PDE8B: variants seen among roughly 807,000 people sequenced by gnomAD.
PDE8B encodes the protein phosphodiesterase 8B.
In PDE8B, 26 loss-of-function variants were observed where a neutral mutation model predicts 101.3. The observed-to-expected ratio is 0.26, with a 90% CI of 0.19 to 0.36. The LOEUF is 0.36. PDE8B is among the 10% of genes least tolerant of loss of function. The pLI is 1.00. For missense variants in PDE8B, 810 were observed against 1,163.1 expected, an observed-to-expected ratio of 0.70 and a Z score of 4.42; for synonymous variants, 424 against 429.3, an observed-to-expected ratio of 0.99 and a Z score of 0.15.
the PDE8B span, among the ~76,000 whole-genome samples, chr5:77,125,013 C>T: frequency 6.6e-6 from 1 of 152,156 alleles, no homozygotes; most frequent in African/African-American, 2.4e-5. Context: ...GAAAAAGAGA[C>T]AGGGTCTTGC....
the PDE8B span, among the ~76,000 whole-genome samples, chr5:77,159,287 AAG>A: frequency 1.3e-5 from 2 of 152,186 alleles, no homozygotes; most frequent in African/African-American, 4.8e-5. Context: ...GTGTTGCCAA[AAG>A]AGATTATAAT....
At chr5:77,393,361 C>T (rs1454111575) in intron 10 of PDE8B, among the ~76,000 whole-genome samples, 1 of 150,478 alleles carries the variant, frequency 6.6e-6, no homozygotes, top group Non-Finnish European at 1.5e-5. Flanking sequence ...ACCCACTGCT[C>T]TCCAGCCTGG....
chr5:77,414,170 C>G (rs1007667949), intron 17 of PDE8B, among the ~76,000 whole-genome samples: 14 of 152,248 alleles, frequency 9.2e-5, no homozygotes, highest in Admixed American at 8.5e-4. Flanking sequence ...CAGGTAGAAG[C>G]AGAAATGGCA....
At chr5:77,244,965 A>G (rs550580470) in intron 1 of PDE8B, among the ~76,000 whole-genome samples, 2 of 152,336 alleles carry the variant, frequency 1.3e-5, no homozygotes, top group South Asian at 4.1e-4. Flanking sequence ...CTGAAAGTTT[A>G]ATACAAAAAT....
chr5:77,353,383 T>G lies in PDE8B; in HGVS notation c.1144T>G (p.Cys382Gly). The change falls in exon 10 of 22, where the codon TGT becomes GGT. Residue 382 changes from cysteine (C) to glycine (G), a missense_variant. Around this residue, in one of 4 missense-constraint regions of PDE8B, gnomAD observed 75 missense variants for 76.9 expected, o/e 0.98. Transcript: ENST00000264917. ...TTTTGTCTCGCTCAAGAAACTGTGT[T>G]GTACCACTGACAATAATAAGCAGGT... is the stretch of plus-strand genomic sequence containing the variant. Reference protein sequence around the residue: ...RHFVSLKKLCCTTDNNKQIHK... With the variant: ...RHFVSLKKLCGTTDNNKQIHK... 1 of 1,604,302 alleles carries G rather than the reference T, an allele frequency of 6.2e-7. No homozygotes were observed. Among genetic ancestry groups the G allele is most frequent in the South Asian group, 1.1e-5 (1 of 90,892 alleles).
the PDE8B span, among the ~76,000 whole-genome samples, chr5:77,130,308 C>T: frequency 1.3e-5 from 2 of 152,034 alleles, no homozygotes; most frequent in Non-Finnish European, 2.9e-5. Context: ...CAAATTTCAG[C>T]TTATTATAAG....
the PDE8B span, among the ~76,000 whole-genome samples, chr5:77,186,687 G>A: frequency 6.6e-6 from 1 of 152,160 alleles, no homozygotes; most frequent in Non-Finnish European, 1.5e-5. Context: ...TTGCCCAGTG[G>A]CCTTGGGCCT....
chr5:77,257,053 A>G (rs1479596), intron 1 of PDE8B, among the ~76,000 whole-genome samples: 76,907 of 152,022 alleles, frequency 0.51, 19,463 homozygotes, highest in South Asian at 0.62. Flanking sequence ...TCAATCACAA[A>G]AAAGTAGATA....
chr5:77,380,027 T>C (rs909893977), intron 10 of PDE8B, among the ~76,000 whole-genome samples: 1 of 152,240 alleles, frequency 6.6e-6, no homozygotes, highest in East Asian at 1.9e-4. Context: ...TAAAAGTGCT[T>C]AATAAGTCAA....
intron 10 of PDE8B, among the ~76,000 whole-genome samples, chr5:77,376,801 G>C (rs945046991): frequency 2.0e-5 from 3 of 152,134 alleles, no homozygotes; most frequent in African/African-American, 4.8e-5. Flanking sequence ...TGGGCCTGAG[G>C]ATCAATTCTA....
At chr5:77,414,893 C>T (rs193052843) in intron 17 of PDE8B, among the ~76,000 whole-genome samples, 26 of 152,260 alleles carry the variant, frequency 1.7e-4, no homozygotes, top group African/African-American at 6.0e-4. Flanking sequence ...TCTAGGAAAA[C>T]ATTGATTAAA....
intron 1 of PDE8B, chr5:77,291,916 G>A: frequency 1.1e-6 from 1 of 917,350 alleles, no homozygotes; most frequent in Non-Finnish European, 1.7e-6. Flanking sequence ...CTGTGACAGT[G>A]ACTAATCCCC....
intron 1 of PDE8B, among the ~76,000 whole-genome samples, chr5:77,271,125 GA>G (rs1349653412): frequency 6.6e-6 from 1 of 152,224 alleles, no homozygotes; most frequent in African/African-American, 2.4e-5. Flanking sequence ...CTATGGTGAT[GA>G]GTCACTAATA....
At chr5:77,317,538 G>T (rs1186219343) in intron 2 of PDE8B, among the ~76,000 whole-genome samples, 4 of 152,220 alleles carry the variant, frequency 2.6e-5, no homozygotes, top group Non-Finnish European at 5.9e-5. Flanking sequence ...GAGTGGTGCT[G>T]TGGAGCACGT....
At chr5:77,347,228 G>A (rs909084561) in intron 7 of PDE8B, among the ~76,000 whole-genome samples, 3 of 152,198 alleles carry the variant, frequency 2.0e-5, no homozygotes, top group Admixed American at 6.5e-5. Context: ...AAGCAATCCT[G>A]TGAGTCAGGT....
At position 77,391,880 on chromosome 5, in the gene PDE8B, A is replaced by T. The variant is rs150656795; in HGVS notation, c.1168-8368A>T. 1.7e-3 allele frequency among the ~76,000 whole-genome samples: 258 copies of T among 152,364 alleles called. 2 individuals carry two copies. The highest frequency in any genetic ancestry group is 5.8e-3 in the African/African-American group (241 of 41,574). On this transcript the variant is annotated intron_variant, in intron 10 of 21. Coordinates refer to ENST00000264917, the MANE Select transcript of PDE8B (RefSeq NM_003719.5). ...AAGAAAAGCTAAGCACTTAAAAATC[A>T]CTTGTTTTTGTGTTAAAGCTATTTG...
At chr5:77,110,271 C>T in the PDE8B span, among the ~76,000 whole-genome samples, 1 of 150,906 alleles carries the variant, frequency 6.6e-6, no homozygotes. Flanking sequence ...ATGGCCAGCG[C>T]TTTTTTTTTC....
At chr5:77,215,484 A>C (rs1289859515) in intron 1 of PDE8B, among the ~76,000 whole-genome samples, 1 of 152,056 alleles carries the variant, frequency 6.6e-6, no homozygotes, top group Non-Finnish European at 1.5e-5. Flanking sequence ...CATTTTCCTT[A>C]TTTTCATGAC....
chr5:77,244,272 T>G (rs1256448583), intron 1 of PDE8B, among the ~76,000 whole-genome samples: 1 of 152,068 alleles, frequency 6.6e-6, no homozygotes, highest in Non-Finnish European at 1.5e-5. Flanking sequence ...TAGGCTCAGC[T>G]CTAGAGAGGA....
Sources: allele counts gnomAD v4.1 joint callset (sites outside exome capture counted in the v4.1 genomes callset), GRCh38; gene constraint gnomAD v4.1.1; regional missense constraint gnomAD v4.1.1; transcripts MANE v1.5; gene names NCBI Gene and HGNC (gene_info 2026-07-23, HGNC 2026-07-21).